Variants in GRIN2B observed in about 807,000 individuals in gnomAD.
GRIN2B encodes the protein glutamate ionotropic receptor NMDA type subunit 2B, also known as glutamate receptor ionotropic, NMDA 2B.
In GRIN2B, 5 loss-of-function variants were observed where a neutral mutation model predicts 114.5. The observed-to-expected ratio is 0.04, with a 90% CI of 0.02 to 0.09. The LOEUF is 0.09. GRIN2B is among the 10% of genes least tolerant of loss of function. The pLI, the probability that GRIN2B is intolerant of heterozygous loss-of-function variation, is 1.00. For missense variants in GRIN2B, 1,108 were observed against 1,943.5 expected (o/e 0.57, Z 8.08); for synonymous variants, 787 against 745.1 (o/e 1.06, Z -0.92).
Position 13,834,020 on chromosome 12 carries a change from C to CTTTTT in GRIN2B, c.411+31773_411+31777dup, listed in dbSNP as rs71067731. Among the ~76,000 whole-genome samples, 16 of 72,588 alleles carry CTTTTT rather than the reference C, an allele frequency of 2.2e-4. 1 individual carries two copies. Among genetic ancestry groups the CTTTTT allele is most frequent in the East Asian group, 1.1e-3 (2 of 1,890 alleles). 47.6% of individuals were successfully genotyped at this position (72,588 alleles called of 152,430 possible). On this transcript the variant is annotated intron_variant, in intron 3 of 13. Transcript: ENST00000609686. ...AACACAGTAGTCTCTTTGCTAACTT[C>CTTTTT]TTTTTTTTTTTTTTTTTTTTTTTTT... is the stretch of plus-strand genomic sequence containing the variant.
chr12:13,607,145 A>C (rs1320378916), intron 10 of GRIN2B, among the ~76,000 whole-genome samples: 2 of 128,026 alleles, frequency 1.6e-5, no homozygotes, highest in African/African-American at 5.9e-5. Context: ...CCATGCACTC[A>C]AAAAAAATAT....
intron 2 of GRIN2B, among the ~76,000 whole-genome samples, chr12:13,880,144 A>T (rs1213875889): frequency 1.3e-5 from 2 of 152,212 alleles, no homozygotes; most frequent in African/African-American, 4.8e-5. Flanking sequence ...ACAAGGGCAC[A>T]GGGACTGCCC....
intron 3 of GRIN2B, among the ~76,000 whole-genome samples, chr12:13,808,743 T>TA (rs61197260): frequency 0.2 from 22,901 of 114,748 alleles, 2,444 homozygotes; most frequent in Non-Finnish European, 0.27. Flanking sequence ...TAAAGTATAA[T>TA]AAAAAAAAAA....
chr12:13,973,697 C>T (rs1387313314), intron 2 of GRIN2B, among the ~76,000 whole-genome samples: 1 of 152,178 alleles, frequency 6.6e-6, no homozygotes, highest in African/African-American at 2.4e-5. Context: ...ATCTTCAGAT[C>T]CAGGGTACTC....
At chr12:13,926,925 C>G (rs111541861) in intron 2 of GRIN2B, among the ~76,000 whole-genome samples, 1 of 150,696 alleles carries the variant, frequency 6.6e-6, no homozygotes, top group South Asian at 2.1e-4. Flanking sequence ...TGCACTCCAG[C>G]CTGGGGACAG....
chr12:13,585,524 C>A (rs1053101568), intron 10 of GRIN2B, among the ~76,000 whole-genome samples: 3 of 152,180 alleles, frequency 2.0e-5, no homozygotes, highest in Admixed American at 6.5e-5. Context: ...TGCAGCCTGG[C>A]GATCCCACCA....
intron 2 of GRIN2B, among the ~76,000 whole-genome samples, chr12:13,939,855 T>C (rs1259940990): frequency 2.0e-5 from 3 of 152,234 alleles, no homozygotes; most frequent in African/African-American, 7.2e-5. Flanking sequence ...CAACACAAAA[T>C]GGACTGATAC....
chr12:13,748,827 G>GC (rs1834828781), intron 4 of GRIN2B, among the ~76,000 whole-genome samples: 1 of 152,232 alleles, frequency 6.6e-6, no homozygotes, highest in South Asian at 2.1e-4. Flanking sequence ...AACTACAAGA[G>GC]CCCCATGAAA....
At chr12:13,809,970 T>G (rs1411974525) in intron 3 of GRIN2B, among the ~76,000 whole-genome samples, 1 of 152,152 alleles carries the variant, frequency 6.6e-6, no homozygotes, top group Non-Finnish European at 1.5e-5. Context: ...TCAGGAGATC[T>G]TCTTGCTCTG....
intron 2 of GRIN2B, among the ~76,000 whole-genome samples, chr12:13,975,992 C>T (rs1262267002): frequency 6.6e-6 from 1 of 152,208 alleles, no homozygotes; most frequent in South Asian, 2.1e-4. Flanking sequence ...AAGAAAACAA[C>T]TAAAGGTTCA....
At chr12:13,646,813 C>A (rs1949765266) in intron 5 of GRIN2B, among the ~76,000 whole-genome samples, 1 of 152,030 alleles carries the variant, frequency 6.6e-6, no homozygotes, top group Admixed American at 6.6e-5. Context: ...CGGGTGTGAG[C>A]CACTGCACCC....
At chr12:13,870,775 C>A (rs996416449) in intron 2 of GRIN2B, among the ~76,000 whole-genome samples, 20 of 152,092 alleles carry the variant, frequency 1.3e-4, no homozygotes, top group Non-Finnish European at 1.5e-5. Flanking sequence ...GTATCAGGTC[C>A]AGTTTTCCAA....
At chr12:13,878,112 C>T (rs1189717314) in intron 2 of GRIN2B, among the ~76,000 whole-genome samples, 5 of 150,162 alleles carry the variant, frequency 3.3e-5, no homozygotes, top group Non-Finnish European at 7.4e-5. Flanking sequence ...CCGCTCTGCG[C>T]TAAGCCCTGG....
chr12:13,774,942 A>T lies in GRIN2B; in HGVS notation c.412-21027T>A, dbSNP rs76778051. ...ATAGGAAAGGAAGAGATCACATGTG[A>T]TCATGAATCAGGAAAGTTCCCATGC... On this transcript the variant is annotated intron_variant, in intron 3 of 13. Coordinates refer to ENST00000609686, the MANE Select transcript of GRIN2B (RefSeq NM_000834.5). Among the ~76,000 whole-genome samples, 1,162 of 152,278 alleles carry T rather than the reference A, an allele frequency of 7.6e-3. 18 individuals carry two copies. Among genetic ancestry groups the T allele is most frequent in the African/African-American group, 0.026 (1,092 of 41,560 alleles).
intron 10 of GRIN2B, among the ~76,000 whole-genome samples, chr12:13,598,194 T>C (rs1805509): frequency 0.03 from 4,625 of 152,288 alleles, 258 homozygotes; most frequent in African/African-American, 0.11. Flanking sequence ...AGGAAGAACA[T>C]TGGACCAACC....
intron 3 of GRIN2B, among the ~76,000 whole-genome samples, chr12:13,775,185 A>G (rs974694469): frequency 2.0e-5 from 3 of 152,206 alleles, no homozygotes; most frequent in Non-Finnish European, 4.4e-5. Context: ...ACACTGGGTT[A>G]AAGGCTGAGG....
chr12:13,863,833 T>C (rs1348530341), intron 3 of GRIN2B, among the ~76,000 whole-genome samples: 2 of 152,306 alleles, frequency 1.3e-5, no homozygotes, highest in Middle Eastern at 3.4e-3. Context: ...ACAGCCCACA[T>C]GAGAAAAAAA....
intron 3 of GRIN2B, among the ~76,000 whole-genome samples, chr12:13,838,070 C>T (rs1263429148): frequency 6.6e-6 from 1 of 152,024 alleles, no homozygotes; most frequent in East Asian, 1.9e-4. Flanking sequence ...AAGAGAGTTA[C>T]AAGAGGAAAT....
At chr12:13,927,966 C>CAAAGAAAAAAA (rs1866947781) in intron 2 of GRIN2B, among the ~76,000 whole-genome samples, 1 of 37,594 alleles carries the variant, frequency 2.7e-5, no homozygotes, top group African/African-American at 9.2e-5. Flanking sequence ...GACCCTGTCT[C>CAAAGAAAAAAA]AAAAAAAAAA....
Sources: allele counts gnomAD v4.1 joint callset (sites outside exome capture counted in the v4.1 genomes callset), GRCh38; gene constraint gnomAD v4.1.1; transcripts MANE v1.5; gene names NCBI Gene and HGNC (gene_info 2026-07-23, HGNC 2026-07-21).